The following TRMT44 variants were observed in gnomAD, a reference collection of about 807,000 sequenced individuals.
TRMT44 encodes tRNA methyltransferase 44 homolog, also known as probable tRNA (uracil-O(2)-)-methyltransferase.
Under a neutral mutation model 77.3 loss-of-function variants are expected in TRMT44, and 78 were observed. That is an observed-to-expected ratio of 1.01 (90% CI 0.84 to 1.22). The LOEUF is 1.22. TRMT44 is among the 50% of genes most tolerant of loss of function. The pLI is 0.00. For synonymous variants in TRMT44, 391 were observed against 383.3 expected (o/e 1.02, Z -0.23); for missense variants, 1,090 against 964.4 (o/e 1.13, Z -1.73).
At chr4:8,491,074 G>A (rs977303960) in intron 2 of TRMT44, among the ~76,000 whole-genome samples, 19 of 151,588 alleles carry the variant, frequency 1.3e-4, no homozygotes, top group Middle Eastern at 3.4e-3. Context: ...GTGCCGATTG[G>A]TGTATTTACA....
intron 2 of TRMT44, among the ~76,000 whole-genome samples, chr4:8,484,427 A>G (rs1054898860): frequency 2.0e-5 from 3 of 152,212 alleles, no homozygotes; most frequent in African/African-American, 4.8e-5. Flanking sequence ...AGAGCTGTAG[A>G]GAGTGAGTTG....
At chr4:8,479,845 ACAT>A (rs751236310), downstream of TRMT44, among the ~76,000 whole-genome samples, 543 of 152,316 alleles carry the variant, frequency 3.6e-3, no homozygotes, top group African/African-American at 0.011. Context: ...CTTAAAACAC[ACAT>A]CGTACAGCTG....
chr4:8,452,170 T>C lies in TRMT44; in HGVS notation c.1023+142T>C, dbSNP rs1170371596. On this transcript the variant is annotated intron_variant, in intron 4 of 10. Transcript: ENST00000389737. This position sits in a 1 kb window ranked among gnomAD's most constrained non-coding sequence, Gnocchi z 5.7. ...TGGCCAAGGTTGGTTTCTCGTGTAATGGTTTGACTTCATGTGGTCCTTTTG... is the reference window on the plus strand; with the variant it reads ...TGGCCAAGGTTGGTTTCTCGTGTAACGGTTTGACTTCATGTGGTCCTTTTG... The C allele has an allele frequency of 1.5e-5, 11 of 728,786 alleles. No individual in the cohort carries two copies. The highest frequency in any genetic ancestry group is 2.5e-5 in the Non-Finnish European group (11 of 431,914). The allele number at this position is 728,786 out of a possible 1,614,324, so 45.1% of individuals were successfully genotyped here.
the TRMT44 span, among the ~76,000 whole-genome samples, chr4:8,501,041 T>C: frequency 1.1e-4 from 16 of 152,120 alleles, no homozygotes; most frequent in Non-Finnish European, 2.1e-4. This position sits in a 1 kb window ranked among gnomAD's most constrained non-coding sequence, Gnocchi z 4.4. Flanking sequence ...AAGCACTGTA[T>C]GAGGGAGCTC....
chr4:8,512,663 C>T, the TRMT44 span: 1 of 152,184 alleles, frequency 6.6e-6, no homozygotes, highest in Non-Finnish European at 1.5e-5. Context: ...CTTTGGGCAG[C>T]TGCGTGTGCA....
Position 8,474,855 on chromosome 4 carries a change from A to AGCCTAGAGGAG in TRMT44, c.2045-912_2045-902dup, listed in dbSNP as rs1345824282. 5.3e-5 allele frequency among the ~76,000 whole-genome samples: 8 copies of AGCCTAGAGGAG among 152,138 alleles called. No homozygotes were observed. In the South Asian group the frequency reaches 8.3e-4, roughly 16 times the overall value. ...AATTTGGGCGGCGGGGTCAGGAGGC[A>AGCCTAGAGGAG]GCCTAGAGGAGGCCTGCGAGGCCTG... On this transcript the variant is annotated intron_variant, in intron 10 of 10. Transcript: ENST00000389737.
downstream of TRMT44, among the ~76,000 whole-genome samples, chr4:8,480,819 A>G (rs539227818): frequency 2.7e-4 from 41 of 152,330 alleles, no homozygotes; most frequent in African/African-American, 9.1e-4. Flanking sequence ...TTAACCCTAT[A>G]TATTATGACT....
At chr4:8,505,911 G>T in the TRMT44 span, among the ~76,000 whole-genome samples, 1 of 152,336 alleles carries the variant, frequency 6.6e-6, no homozygotes, top group African/African-American at 2.4e-5. Flanking sequence ...CACCATGTGA[G>T]ATGTGCCTGC....
downstream of TRMT44, chr4:8,478,492 C>T (rs1727500854): frequency 6.6e-6 from 1 of 152,638 alleles, no homozygotes; most frequent in Non-Finnish European, 1.5e-5. Context: ...TACTGCCCCC[C>T]AGCAGCACTG....
At chr4:8,482,812 G>A (rs971773090) in intron 2 of TRMT44, among the ~76,000 whole-genome samples, 9 of 151,278 alleles carry the variant, frequency 5.9e-5, no homozygotes, top group Non-Finnish European at 8.8e-5. Flanking sequence ...CAGGGGATGC[G>A]ATGGCTTGGC....
At chr4:8,463,826 T>C (rs954434591) in intron 6 of TRMT44, among the ~76,000 whole-genome samples, 159 bp from the exon 7 acceptor site, 5 of 152,228 alleles carry the variant, frequency 3.3e-5, no homozygotes, top group Non-Finnish European at 7.3e-5. Context: ...GGAGGATACA[T>C]TGACTTCCCC....
chr4:8,491,425 G>T (rs1287511498), intron 2 of TRMT44, among the ~76,000 whole-genome samples: 1 of 152,258 alleles, frequency 6.6e-6, no homozygotes, highest in Non-Finnish European at 1.5e-5. Context: ...CTCAGCCCTT[G>T]GGTGGTCGAT....
At chr4:8,466,907 C>T (rs1300068393) in intron 8 of TRMT44, among the ~76,000 whole-genome samples, 2 of 152,200 alleles carry the variant, frequency 1.3e-5, no homozygotes, top group Admixed American at 6.5e-5. Flanking sequence ...AATTTAAAAT[C>T]CCGCTGGAAG....
chr4:8,462,819 TGTCA>T (rs1350336349), intron 6 of TRMT44, among the ~76,000 whole-genome samples: 1 of 152,212 alleles, frequency 6.6e-6, no homozygotes, highest in Admixed American at 6.5e-5. Context: ...CTTTACTAAA[TGTCA>T]GTTATGCTTT....
chr4:8,501,666 C>A, the TRMT44 span, among the ~76,000 whole-genome samples: 3 of 152,306 alleles, frequency 2.0e-5, no homozygotes, highest in East Asian at 3.9e-4. The surrounding 1 kb of genome is among the most constrained non-coding windows in gnomAD (Gnocchi z 4.4). Flanking sequence ...TTGGACTCTT[C>A]CTCTCCCTCT....
At chr4:8,469,166 G>A (rs1002918412) in intron 9 of TRMT44, among the ~76,000 whole-genome samples, 13 of 152,296 alleles carry the variant, frequency 8.5e-5, no homozygotes, top group South Asian at 6.2e-4. Context: ...CCATGTGTAC[G>A]TGGGATGGGA....
intron 1 of TRMT44, among the ~76,000 whole-genome samples, chr4:8,445,915 C>T (rs1267317699): frequency 2.0e-5 from 3 of 152,086 alleles, no homozygotes; most frequent in Non-Finnish European, 4.4e-5. Flanking sequence ...CTTAAGTATC[C>T]ACACAAACTG....
intron 2 of TRMT44, among the ~76,000 whole-genome samples, chr4:8,485,160 C>T (rs1298836767): frequency 6.6e-6 from 1 of 152,180 alleles, no homozygotes; most frequent in Non-Finnish European, 1.5e-5. Context: ...CAGCACAGCC[C>T]AGGTAAGCTG....
At chr4:8,475,447 G>A (rs1560243424) in intron 10 of TRMT44, among the ~76,000 whole-genome samples, 1 of 152,194 alleles carries the variant, frequency 6.6e-6, no homozygotes, top group Non-Finnish European at 1.5e-5. Context: ...TCCCTCGAAT[G>A]TGGCCAGTCC....
Sources: allele counts gnomAD v4.1 joint callset (sites outside exome capture counted in the v4.1 genomes callset), GRCh38; gene constraint gnomAD v4.1.1; non-coding constraint Gnocchi (gnomAD v3.1); transcripts MANE v1.5; gene names NCBI Gene and HGNC (gene_info 2026-07-23, HGNC 2026-07-21).